The following PLCE1 variants were observed in gnomAD, a reference collection of about 807,000 sequenced individuals.
PLCE1 encodes the protein 1-phosphatidylinositol 4,5-bisphosphate phosphodiesterase epsilon-1.
Under a neutral mutation model 242.8 loss-of-function variants are expected in PLCE1, and 119 were observed. The ratio of observed to expected loss-of-function variants is 0.49; its 90% confidence interval spans 0.42 to 0.57. The LOEUF (loss-of-function observed/expected upper bound fraction) is 0.57, where lower values mean the gene tolerates loss of function less well. PLCE1 is among the 20% of genes least tolerant of loss of function. PLCE1 has a pLI of 0.00. For synonymous variants in PLCE1, 945 were observed against 1,017.4 expected (o/e 0.93, Z 1.35); for missense variants, 2,441 against 2,788.8 (o/e 0.88, Z 2.81).
intron 1 of PLCE1, among the ~76,000 whole-genome samples, chr10:94,006,946 A>T (rs540184057): frequency 1.3e-5 from 2 of 152,348 alleles, no homozygotes; most frequent in South Asian, 4.1e-4. Flanking sequence ...TATGCAAAGG[A>T]TCTGAATTGA....
intron 2 of PLCE1, among the ~76,000 whole-genome samples, chr10:94,077,782 C>CA (rs2044549396): frequency 6.6e-6 from 1 of 151,740 alleles, no homozygotes; most frequent in Non-Finnish European, 1.5e-5. Flanking sequence ...AACAAACAAA[C>CA]AAAAAAACAG....
chr10:94,279,491 A>G (rs1187395911), intron 19 of PLCE1: 2 of 440,626 alleles, frequency 4.5e-6, no homozygotes, highest in Non-Finnish European at 8.2e-6. Context: ...AAATCACCAA[A>G]GCTTTCTCTT....
At chr10:94,258,505 C>T (rs2051181402) in intron 11 of PLCE1, among the ~76,000 whole-genome samples, 1 of 152,104 alleles carries the variant, frequency 6.6e-6, no homozygotes, top group African/African-American at 2.4e-5. Context: ...TTATTTTGCC[C>T]ATTGATCTGC....
At chr10:94,219,869 G>A (rs2137055670) in intron 4 of PLCE1, among the ~76,000 whole-genome samples, 1 of 152,234 alleles carries the variant, frequency 6.6e-6, no homozygotes, top group South Asian at 2.1e-4. Flanking sequence ...GAAGACAAAT[G>A]TGATGTAGTT....
intron 18 of PLCE1, among the ~76,000 whole-genome samples, chr10:94,271,036 C>A (rs2051711260): frequency 6.6e-6 from 1 of 152,076 alleles, no homozygotes; most frequent in Admixed American, 6.6e-5. Context: ...GAAGCATATA[C>A]AGTTAGGGTC....
chr10:94,283,697 A>G (rs1589472967), intron 20 of PLCE1, 93 bp from the exon 21 acceptor site: 5 of 1,297,284 alleles, frequency 3.9e-6, no homozygotes, highest in East Asian at 2.4e-5. Flanking sequence ...ATAGATAAGT[A>G]CAAGTATCTG....
At chr10:94,052,126 A>G (rs1409751046) in intron 2 of PLCE1, among the ~76,000 whole-genome samples, 1 of 152,254 alleles carries the variant, frequency 6.6e-6, no homozygotes. Flanking sequence ...GATTGATTGA[A>G]TAAGGATTGG....
chr10:94,096,852 A>C (rs1028966583), intron 2 of PLCE1: 1 of 152,238 alleles, frequency 6.6e-6, no homozygotes, highest in Non-Finnish European at 1.5e-5. Flanking sequence ...AGAGGGATGA[A>C]GGTGACTCCA....
intron 16 of PLCE1, among the ~76,000 whole-genome samples, chr10:94,267,674 T>C (rs2051566222): frequency 6.6e-6 from 1 of 152,196 alleles, no homozygotes; most frequent in Non-Finnish European, 1.5e-5. Context: ...CTGTTGCCAG[T>C]TGCTGAACAT....
At chr10:93,994,331 G>C (rs2060777095) in intron 1 of PLCE1, among the ~76,000 whole-genome samples, 73 bp downstream of exon 1, 2 of 152,196 alleles carry the variant, frequency 1.3e-5, no homozygotes, top group South Asian at 4.1e-4. Context: ...CTCTCCCAAG[G>C]CAGTCGACCC....
chr10:94,232,267 A>T (rs1221313690), intron 5 of PLCE1, among the ~76,000 whole-genome samples: 1 of 152,218 alleles, frequency 6.6e-6, no homozygotes, highest in Non-Finnish European at 1.5e-5. Flanking sequence ...TATATTACAC[A>T]GTGATTTTGT....
chr10:94,100,251 G>A (rs1180476931), intron 2 of PLCE1: 2 of 152,210 alleles, frequency 1.3e-5, no homozygotes, highest in African/African-American at 2.4e-5. Flanking sequence ...AAGAACTGAA[G>A]TCCTTCCATT....
intron 13 of PLCE1, among the ~76,000 whole-genome samples, chr10:94,260,452 T>C (rs2051256959): frequency 6.6e-6 from 1 of 152,100 alleles, no homozygotes; most frequent in South Asian, 2.1e-4. Flanking sequence ...CAAAAAACTT[T>C]CCTCTTTTAT....
intron 2 of PLCE1, chr10:94,108,815 A>G (rs2045851666): frequency 6.6e-6 from 1 of 152,210 alleles, no homozygotes; most frequent in Non-Finnish European, 1.5e-5. Flanking sequence ...CCTTGATTAT[A>G]CCTGCAGTGA....
intron 25 of PLCE1, 31 bp downstream of exon 25, chr10:94,304,676 G>T: frequency 6.2e-7 from 1 of 1,610,756 alleles, no homozygotes; most frequent in Non-Finnish European, 8.5e-7. Flanking sequence ...AAGAACATAA[G>T]GTCGGGTTTA....
At chr10:94,322,440 CAT>C (rs1044998489) in intron 30 of PLCE1, among the ~76,000 whole-genome samples, 9 of 152,026 alleles carry the variant, frequency 5.9e-5, no homozygotes, top group African/African-American at 2.2e-4. Context: ...CACTTGAGCT[CAT>C]GAGTTTGAGA....
intron 2 of PLCE1, among the ~76,000 whole-genome samples, chr10:94,124,381 G>GAAAAAAAA (rs981911349): frequency 5.1e-5 from 3 of 58,388 alleles, no homozygotes; most frequent in Admixed American, 1.9e-4. Flanking sequence ...TTGTCTCAGA[G>GAAAAAAAA]AAAAAAAAAA....
intron 4 of PLCE1, among the ~76,000 whole-genome samples, chr10:94,192,554 T>C (rs1419086398): frequency 2.0e-5 from 3 of 152,230 alleles, no homozygotes. Context: ...TAGTATTCCA[T>C]GGTATATACG....
At chr10:94,186,491 G>T (rs2048483040) in intron 4 of PLCE1, among the ~76,000 whole-genome samples, 1 of 152,140 alleles carries the variant, frequency 6.6e-6, no homozygotes, top group African/African-American at 2.4e-5. Context: ...ATTCAGCTCT[G>T]TATTGAATTA....
Sources: gnomAD v4.1 joint callset for allele counts (sites outside exome capture counted in the v4.1 genomes callset) on GRCh38, gnomAD v4.1.1 for gene constraint, MANE v1.5 for transcripts, NCBI Gene and HGNC (gene_info 2026-07-23, HGNC 2026-07-21) for gene names.